Variants in IER2 observed in about 807,000 individuals in gnomAD.
IER2 encodes the protein immediate early response gene 2 protein.
For synonymous variants in IER2, 198 were observed against 149.6 expected (o/e 1.32, Z -2.36); for missense variants, 372 against 325.4 (o/e 1.14, Z -1.10).
Position 13,153,968 on chromosome 19 carries a change from A to C in IER2, c.*110A>C. On this transcript the variant is annotated 3_prime_UTR_variant, in exon 2 of 2. Coordinates refer to ENST00000292433, the MANE Select transcript of IER2 (RefSeq NM_004907.3). The stretch of plus-strand genomic sequence containing the variant: ...TCCATCCTGGGGGAAGCGCCCGCGA[A>C]AACCGTGGAGAGAAGCCGCCGCCCG... 2 of 1,018,442 alleles carry C rather than the reference A, an allele frequency of 2.0e-6. No homozygotes were observed. Among genetic ancestry groups the C allele is most frequent in the Admixed American group, 4.0e-5 (1 of 24,886 alleles). 63.1% of individuals were successfully genotyped at this position (1,018,442 alleles called of 1,614,324 possible).
At position 13,153,630 on chromosome 19, in the gene IER2, AGAG is replaced by A. The variant is rs1191714867; in HGVS notation, c.449_451del (p.Glu150del). ...AAGCCCGTCTGGAAGAAAAGGAAGA[AGAG>A]GAGGGAGCGTCATCCGAAGTCGCCG... On this transcript the variant is annotated inframe_deletion, in exon 2 of 2. Coordinates refer to ENST00000292433, the MANE Select transcript of IER2 (RefSeq NM_004907.3). The A allele has an allele frequency of 6.2e-6, 10 of 1,613,054 alleles. No individual in the cohort carries two copies. The highest frequency in any genetic ancestry group is 4.4e-5 in the South Asian group (4 of 91,048).
chr19:13,153,902 C>T lies in IER2; in HGVS notation c.*44C>T, dbSNP rs1285772201. The T allele has an allele frequency of 2.2e-6, 3 of 1,390,058 alleles. No homozygotes were observed. Among genetic ancestry groups the T allele is most frequent in the South Asian group, 1.6e-5 (1 of 61,958 alleles). The allele number at this position is 1,390,058 out of a possible 1,614,324, so 86.1% of individuals were successfully genotyped here. On this transcript the variant is annotated 3_prime_UTR_variant, in exon 2 of 2. Transcript: ENST00000292433. ...CCGGAGCCCAGAGCGCGCGTCGAAC[C>T]GTCGGCCCGAGGGCGCAGACCTGAG...
rs1478693680 is a variant in IER2, at chr19:13,150,971, G to T, written c.-244+419G>T. ...TTCTGGGTGCGAGCCTGGGGGTAGC[G>T]GGTGGTGGCTTTGAGGATGGTCTCC... On this transcript the variant is annotated intron_variant, in intron 1 of 1. Coordinates refer to ENST00000292433, the MANE Select transcript of IER2 (RefSeq NM_004907.3). The surrounding 1 kb of genome is among the most constrained non-coding windows in gnomAD (Gnocchi z 4.0). Among the ~76,000 whole-genome samples, 1 of 152,130 alleles carries T rather than the reference G, an allele frequency of 6.6e-6. No individual in the cohort carries two copies. Among genetic ancestry groups the T allele is most frequent in the Non-Finnish European group, 1.5e-5 (1 of 68,008 alleles).
rs750325776 is a variant in IER2 at position 13,153,479 on chromosome 19, C to G, written c.293C>G (p.Thr98Arg). The G allele has an allele frequency of 6.3e-7, 1 of 1,589,948 alleles. No homozygotes were observed. Among genetic ancestry groups the G allele is most frequent in the Non-Finnish European group, 8.6e-7 (1 of 1,169,532 alleles). Residue 98 changes from threonine to arginine, a missense_variant, in exon 2 of 2, where the codon ACG becomes AGG. Coordinates refer to ENST00000292433, the MANE Select transcript of IER2 (RefSeq NM_004907.3). ...CACCCGTTTCCGGAGCCAATGGACA[C>G]GCAGGAGGCGCCGACAGCCGAGGAG... ...GEHPFPEPMD[T>R]QEAPTAEETS... is the part of the protein sequence containing the mutation.
In IER2 at chr19:13,153,600, C is replaced by G. The variant is rs768219145; in HGVS notation, c.414C>G (p.Ser138Arg). Residue 138 changes from serine (S) to arginine (R), a missense_variant, in exon 2 of 2, where the codon AGC becomes AGG. Physicochemically the swap from Ser to Arg is moderately radical, Grantham distance 110. Coordinates refer to ENST00000292433, the MANE Select transcript of IER2 (RefSeq NM_004907.3). ...SDGGDAGLVP[S>R]KKARLEEKEE... The stretch of plus-strand genomic sequence containing the variant: ...GCGGGGACGCTGGACTGGTCCCGAG[C>G]AAGAAAGCCCGTCTGGAAGAAAAGG... 4 of 1,609,240 alleles carry G rather than the reference C, an allele frequency of 2.5e-6. No homozygotes were observed. The highest frequency in any genetic ancestry group is 3.4e-6 in the Non-Finnish European group (4 of 1,177,996).
In IER2 at chr19:13,152,988, G is replaced by A. The variant is rs540214189; in HGVS notation, c.-199G>A. ...GTTGGAAAGCCCGGATGCGTCCTTCGGTTGGGCGGGGTGTCTCAGTGACGT... is the reference window on the plus strand; with the variant it reads ...GTTGGAAAGCCCGGATGCGTCCTTCAGTTGGGCGGGGTGTCTCAGTGACGT... On this transcript the variant is annotated 5_prime_UTR_variant, in exon 2 of 2. Coordinates refer to ENST00000292433, the MANE Select transcript of IER2 (RefSeq NM_004907.3). The A allele has an allele frequency of 1.2e-5, 5 of 419,146 alleles. No homozygotes were observed. The South Asian group carries it at 2.6e-4, about 22-fold the overall frequency. The allele number at this position is 419,146 out of a possible 1,614,324, so 26.0% of individuals were successfully genotyped here.
chr19:13,153,249 C>A lies in IER2; in HGVS notation c.63C>A (p.Ser21=). The change falls in exon 2 of 2, where the codon TCC becomes TCA. Residue 21 remains serine, a synonymous_variant. Coordinates refer to ENST00000292433, the MANE Select transcript of IER2 (RefSeq NM_004907.3). ...TGTCGGTGTGGAAGATGTATCACTCCCGCATGCAGCGCGGTGGCCTGCGGC... is the reference window on the plus strand; with the variant it reads ...TGTCGGTGTGGAAGATGTATCACTCACGCATGCAGCGCGGTGGCCTGCGGC... The part of the protein sequence containing the change: ...MTLSVWKMYH[S]RMQRGGLRLH... The A allele has an allele frequency of 1.3e-6, 2 of 1,580,624 alleles. No homozygotes were observed. The highest frequency in any genetic ancestry group is 4.5e-5 in the East Asian group (2 of 44,172).
Position 13,153,261 on chromosome 19 carries a change from C to G in IER2, c.75C>G (p.Arg25=). ...AGATGTATCACTCCCGCATGCAGCG[C>G]GGTGGCCTGCGGCTGCACCGGAGTC... The part of the protein sequence containing the change: ...VWKMYHSRMQ[R]GGLRLHRSLQ... Residue 25 remains arginine (R), a synonymous_variant, in exon 2 of 2, where the codon CGC becomes CGG. Coordinates refer to ENST00000292433, the MANE Select transcript of IER2 (RefSeq NM_004907.3). 6.3e-7 allele frequency: 1 copy of G among 1,591,454 alleles called. No homozygotes were observed. The highest frequency in any genetic ancestry group is 2.3e-5 in the East Asian group (1 of 44,292).
At position 13,153,764 on chromosome 19, in the gene IER2, C is replaced by G; in HGVS notation, c.578C>G (p.Pro193Arg). ...CTCCTGAACTGCAGCCCCGCGGCCC[C>G]TCCGACGGCGCCGCCCGCGTGCGAG... ...SGLLNCSPAA[P>R]PTAPPACEAK... Residue 193 changes from proline to arginine, a missense_variant, in exon 2 of 2, where the codon CCT becomes CGT. Coordinates refer to ENST00000292433, the MANE Select transcript of IER2 (RefSeq NM_004907.3). 1 of 1,567,170 alleles carries G rather than the reference C, an allele frequency of 6.4e-7. No individual in the cohort carries two copies. Among genetic ancestry groups the G allele is most frequent in the Non-Finnish European group, 8.6e-7 (1 of 1,162,504 alleles).
Position 13,154,004 on chromosome 19 carries a change from A to AT in IER2, c.*146_*147insT, listed in dbSNP as rs2020099897. The AT allele has an allele frequency of 3.1e-6, 2 of 642,664 alleles. No individual in the cohort carries two copies. Among genetic ancestry groups the AT allele is most frequent in the Non-Finnish European group, 5.0e-6 (2 of 397,626 alleles). 39.8% of individuals were successfully genotyped at this position (642,664 alleles called of 1,614,324 possible). A position where few individuals can be genotyped will look rare whatever the true frequency, so the allele number is the denominator to read the frequency against. On this transcript the variant is annotated 3_prime_UTR_variant, in exon 2 of 2. Coordinates refer to ENST00000292433, the MANE Select transcript of IER2 (RefSeq NM_004907.3). The stretch of plus-strand genomic sequence containing the variant: ...AGAAGCCGCCGCCCGGGCTGCTGAG[A>AT]GGCCCGGAGAGGGACTCTGTCCCCG...
In IER2 at chr19:13,153,402, C is replaced by T. The variant is rs942005396; in HGVS notation, c.216C>T (p.His72=). ...CCCTCCCCTCTGACCCTCGCCTGCA[C>T]CCGCCCCGAGAAGCCGAGTCCACGG... ...PAALPSDPRL[H]PPREAESTAE... The change falls in exon 2 of 2, where the codon CAC becomes CAT. Residue 72 remains histidine, a synonymous_variant. Coordinates refer to ENST00000292433, the MANE Select transcript of IER2 (RefSeq NM_004907.3). 4 of 1,591,476 alleles carry T rather than the reference C, an allele frequency of 2.5e-6. No homozygotes were observed. The highest frequency in any genetic ancestry group is 1.7e-4 in the Middle Eastern group (1 of 5,986).
rs1311199845 is a variant in IER2 at position 13,153,545 on chromosome 19, G to A, written c.359G>A (p.Arg120His). The change falls in exon 2 of 2, where the codon CGC becomes CAC. Residue 120 changes from arginine (R) to histidine (H), a missense_variant. Coordinates refer to ENST00000292433, the MANE Select transcript of IER2 (RefSeq NM_004907.3). ...GCCCCGCGCCCCGCCAAAGTCAGCC[G>A]CAAACGACGCAGCAGCAGCCTGAGC... ...CCAPRPAKVS[R>H]KRRSSSLSDG... The A allele has an allele frequency of 2.5e-6, 4 of 1,589,704 alleles. No individual in the cohort carries two copies. The highest frequency in any genetic ancestry group is 3.4e-6 in the Non-Finnish European group (4 of 1,168,576).
chr19:13,150,763 G>T lies in IER2; in HGVS notation c.-244+211G>T, dbSNP rs1336489540. Among the ~76,000 whole-genome samples the T allele has an allele frequency of 6.6e-6, 1 of 152,230 alleles. No individual in the cohort carries two copies. The highest frequency in any genetic ancestry group is 1.5e-5 in the Non-Finnish European group (1 of 68,042). ...CGGGGGCGCGGTGAGGAGCGGGCCT[G>T]CTCCTCCGGGGAGTTCTGCCGCATT... On this transcript the variant is annotated intron_variant, in intron 1 of 1. Transcript: ENST00000292433. This position sits in a 1 kb window ranked among gnomAD's most constrained non-coding sequence, Gnocchi z 4.0.
chr19:13,153,702 C>A lies in IER2; in HGVS notation c.516C>A (p.Pro172=). The change falls in exon 2 of 2, where the codon CCC becomes CCA. Residue 172 remains proline, a synonymous_variant. Transcript: ENST00000292433. ...PPPAQAEGAF[P]NLARVLQRRF... ...CGGCGCAAGCGGAGGGCGCCTTTCC[C>A]AACCTGGCCCGCGTCCTGCAGAGGC... 1 of 1,610,614 alleles carries A rather than the reference C, an allele frequency of 6.2e-7. No individual in the cohort carries two copies. The highest frequency in any genetic ancestry group is 8.5e-7 in the Non-Finnish European group (1 of 1,179,682).
rs1453631482 is a variant in IER2, at chr19:13,154,685, C to A, written c.*827C>A. The A allele has an allele frequency of 6.0e-6, 1 of 167,076 alleles. No homozygotes were observed. Among genetic ancestry groups the A allele is most frequent in the African/African-American group, 2.4e-5 (1 of 41,318 alleles). 10.3% of individuals were successfully genotyped at this position (167,076 alleles called of 1,614,324 possible). On this transcript the variant is annotated 3_prime_UTR_variant, in exon 2 of 2. Transcript: ENST00000292433. Reference sequence around the variant, plus strand: ...GCCGAGAAGTTCCTGGTCTGAATCACGAGAATGTGGAGGGGTGGGGGGTGT... The same window carrying A: ...GCCGAGAAGTTCCTGGTCTGAATCAAGAGAATGTGGAGGGGTGGGGGGTGT...
At chr19:13,151,605 A>G (rs1049297830) in intron 1 of IER2, among the ~76,000 whole-genome samples, 10 of 151,980 alleles carry the variant, frequency 6.6e-5, no homozygotes, top group African/African-American at 9.7e-5. Context: ...GGGAGCCCTC[A>G]GGTCGCCCCT....
Position 13,153,216 on chromosome 19 carries a change from C to G in IER2, c.30C>G (p.Ile10Met), listed in dbSNP as rs779539967. The G allele has an allele frequency of 2.6e-6, 4 of 1,530,234 alleles. No homozygotes were observed. Among genetic ancestry groups the G allele is most frequent in the African/African-American group, 1.4e-5 (1 of 71,530 alleles). The allele number at this position is 1,530,234 out of a possible 1,614,324, so 94.8% of individuals were successfully genotyped here. ...AAGTGCAGAAAGAGGCACAGCGCAT[C>G]ATGACCCTGTCGGTGTGGAAGATGT... is the stretch of plus-strand genomic sequence containing the variant. MEVQKEAQR[I>M]MTLSVWKMYH... Residue 10 changes from isoleucine (I) to methionine (M), a missense_variant, in exon 2 of 2, where the codon ATC becomes ATG. Transcript: ENST00000292433.
In IER2 at chr19:13,153,083, G is replaced by A; in HGVS notation, c.-104G>A. On this transcript the variant is annotated 5_prime_UTR_variant, in exon 2 of 2. Transcript: ENST00000292433. ...GCGTCCTAGCAGTGTCACTGCGTGGGTTGGTTTGTGTAGAGAGGCGTGAGC... is the reference window on the plus strand; with the variant it reads ...GCGTCCTAGCAGTGTCACTGCGTGGATTGGTTTGTGTAGAGAGGCGTGAGC... The A allele has an allele frequency of 3.7e-6, 3 of 817,466 alleles. No individual in the cohort carries two copies. Among genetic ancestry groups the A allele is most frequent in the South Asian group, 2.0e-5 (1 of 49,814 alleles). The allele number at this position is 817,466 out of a possible 1,614,324, so 50.6% of individuals were successfully genotyped here. A position where few individuals can be genotyped will look rare whatever the true frequency, so the allele number is the denominator to read the frequency against.
rs999852418 is a variant in IER2 at position 13,153,513 on chromosome 19, C to T, written c.327C>T (p.Ala109=). Residue 109 remains alanine, a synonymous_variant, in exon 2 of 2, where the codon GCC becomes GCT. Coordinates refer to ENST00000292433, the MANE Select transcript of IER2 (RefSeq NM_004907.3). The stretch of plus-strand genomic sequence containing the variant: ...CGCCGACAGCCGAGGAGACCTCCGC[C>T]TGCTGTGCCCCGCGCCCCGCCAAAG... ...QEAPTAEETS[A]CCAPRPAKVS... The T allele has an allele frequency of 1.3e-6, 2 of 1,583,332 alleles. No individual in the cohort carries two copies. The highest frequency in any genetic ancestry group is 1.4e-5 in the African/African-American group (1 of 73,996).
Sources: gnomAD v4.1 joint callset for allele counts (sites outside exome capture counted in the v4.1 genomes callset) on GRCh38, gnomAD v4.1.1 for gene constraint, Gnocchi (gnomAD v3.1) non-coding constraint, MANE v1.5 for transcripts, NCBI Gene and HGNC (gene_info 2026-07-23, HGNC 2026-07-21) for gene names.